Variants in MLLT10 observed in about 807,000 individuals in gnomAD.
MLLT10 encodes MLLT10 histone lysine methyltransferase DOT1L cofactor, also known as protein AF-10.
Under a neutral mutation model 129.1 loss-of-function variants are expected in MLLT10, and 30 were observed. The observed-to-expected ratio is 0.23, with a 90% CI of 0.17 to 0.32. The LOEUF (loss-of-function observed/expected upper bound fraction) is 0.32, where lower values mean the gene tolerates loss of function less well. Among genes scored for constraint, MLLT10 ranks in the 10% least tolerant of loss-of-function variants. MLLT10 has a pLI of 1.00. For missense variants in MLLT10, 1,119 were observed against 1,268.3 expected, an observed-to-expected ratio of 0.88 and a Z score of 1.79; for synonymous variants, 490 against 446.4, an observed-to-expected ratio of 1.10 and a Z score of -1.23.
intron 5 of MLLT10, among the ~76,000 whole-genome samples, chr10:21,606,611 T>C (rs2044096745): frequency 6.6e-6 from 1 of 152,030 alleles, no homozygotes; most frequent in Non-Finnish European, 1.5e-5. Context: ...TTGATGGAGG[T>C]TGCAGATGTG....
intron 13 of MLLT10, among the ~76,000 whole-genome samples, chr10:21,689,936 G>T (rs2053696864): frequency 6.6e-6 from 1 of 151,874 alleles, no homozygotes. Context: ...AAACTGATGA[G>T]ATGTGTATTA....
intron 6 of MLLT10, 134 bp from the exon 7 acceptor site, chr10:21,614,697 T>A (rs959595748): frequency 5.1e-5 from 33 of 652,208 alleles, no homozygotes; most frequent in African/African-American, 4.8e-4. Context: ...ATAAAGCTTT[T>A]TATTTTCTCA....
intron 21 of MLLT10, among the ~76,000 whole-genome samples, chr10:21,735,597 A>C (rs978308289): frequency 2.6e-5 from 4 of 152,210 alleles, no homozygotes; most frequent in Non-Finnish European, 4.4e-5. Context: ...GGAAGAGCAT[A>C]GGGAACCGAG....
At chr10:21,626,853 G>C (rs980405691) in intron 8 of MLLT10, among the ~76,000 whole-genome samples, 9 of 152,174 alleles carry the variant, frequency 5.9e-5, no homozygotes, top group African/African-American at 2.2e-4. Flanking sequence ...ATCTGTATAT[G>C]TGAAGAGTTA....
At chr10:21,629,838 G>A (rs2046837134) in intron 8 of MLLT10, among the ~76,000 whole-genome samples, 2 of 152,148 alleles carry the variant, frequency 1.3e-5, no homozygotes, top group African/African-American at 4.8e-5. Flanking sequence ...GGGCTTGCGT[G>A]TATAGTCCCA....
rs553747339 is a variant in MLLT10 at position 21,587,941 on chromosome 10, A to G, written c.295+1593A>G. ...TTTCTAGGTTTCTTTTGCATATTCA[A>G]ATGTGAATAAAGACTTATTTACTCC... On this transcript the variant is annotated intron_variant, in intron 4 of 22. Transcript: ENST00000307729. 3.9e-5 allele frequency among the ~76,000 whole-genome samples: 6 copies of G among 152,328 alleles called. 1 individual carries two copies. The highest frequency in any genetic ancestry group is 4.1e-4 in the South Asian group (2 of 4,824).
chr10:21,583,696 A>G (rs912997896), intron 3 of MLLT10, among the ~76,000 whole-genome samples: 1 of 152,130 alleles, frequency 6.6e-6, no homozygotes, highest in Non-Finnish European at 1.5e-5. Flanking sequence ...CAGATCTCAC[A>G]TGAGCTAACA....
chr10:21,654,386 A>G (rs1223599377), intron 9 of MLLT10, among the ~76,000 whole-genome samples: 3 of 152,258 alleles, frequency 2.0e-5, no homozygotes, highest in Non-Finnish European at 4.4e-5. Flanking sequence ...ATATTGCTAC[A>G]GTGATGTCCC....
chr10:21,627,004 G>A (rs1005345363), intron 8 of MLLT10, among the ~76,000 whole-genome samples: 13 of 152,052 alleles, frequency 8.5e-5, no homozygotes, highest in South Asian at 2.1e-4. Context: ...TTTAGACTTC[G>A]TCCTTGGGCA....
chr10:21,695,609 G>A lies in MLLT10; in HGVS notation c.1699+13352G>A, dbSNP rs531099481. ...ATATTTATTTGCCATTTCTATTTTC[G>A]AAGTGTCTTGGAGGGCAGTCTAAAT... On this transcript the variant is annotated intron_variant, in intron 13 of 22. Transcript: ENST00000307729. Among the ~76,000 whole-genome samples the A allele has an allele frequency of 3.2e-4, 49 of 151,664 alleles. No homozygotes were observed. In the East Asian group the frequency reaches 7.0e-3, roughly 22 times the overall value.
At chr10:21,558,108 TC>T (rs1364158682) in intron 3 of MLLT10, among the ~76,000 whole-genome samples, 1 of 151,566 alleles carries the variant, frequency 6.6e-6, no homozygotes, top group Non-Finnish European at 1.5e-5. Flanking sequence ...TGCCACCACG[TC>T]CAGCTAATTT....
intron 2 of MLLT10, among the ~76,000 whole-genome samples, chr10:21,538,014 T>C (rs2034371531): frequency 6.6e-6 from 1 of 152,078 alleles, no homozygotes; most frequent in African/African-American, 2.4e-5. Flanking sequence ...TACCTTTTTT[T>C]TTTTGAGATA....
At chr10:21,617,727 ATCTG>A (rs1389571322) in intron 8 of MLLT10, among the ~76,000 whole-genome samples, 3 of 152,136 alleles carry the variant, frequency 2.0e-5, no homozygotes, top group Non-Finnish European at 2.9e-5. Flanking sequence ...CTAAATACTA[ATCTG>A]TCTTTTTCTG....
chr10:21,586,180 C>A, intron 3 of MLLT10, 114 bp from the exon 4 acceptor site: 1 of 774,978 alleles, frequency 1.3e-6, no homozygotes, highest in Non-Finnish European at 2.2e-6. Context: ...TCTTGGGGGG[C>A]AACTAGGACA....
At chr10:21,714,667 G>C (rs1180007922) in intron 14 of MLLT10, among the ~76,000 whole-genome samples, 1 of 152,150 alleles carries the variant, frequency 6.6e-6, no homozygotes, top group Admixed American at 6.5e-5. Flanking sequence ...GACTAGCTGA[G>C]ATTACAGGCA....
chr10:21,733,007 C>T lies in MLLT10; in HGVS notation c.2327C>T (p.Ala776Val). The T allele has an allele frequency of 1.2e-6, 2 of 1,613,954 alleles. No individual in the cohort carries two copies. The highest frequency in any genetic ancestry group is 4.5e-5 in the East Asian group (2 of 44,838). The change falls in exon 18 of 23, where the codon GCA (alanine) becomes GTA (valine). Residue 776 changes from alanine to valine, a missense_variant. By Grantham distance (64) the Ala-to-Val change is moderately conservative (BLOSUM62 0). Transcript: ENST00000307729. Reference sequence around the variant, plus strand: ...AAGGAACGGCTTCAGTTATTGAATGCACAGCTTTCAGTGCCTTTTCCAACA... The same window carrying T: ...AAGGAACGGCTTCAGTTATTGAATGTACAGCTTTCAGTGCCTTTTCCAACA... Reference protein sequence around the residue: ...AKKERLQLLNAQLSVPFPTIT... With the variant: ...AKKERLQLLNVQLSVPFPTIT...
At chr10:21,561,384 C>G (rs2038780419) in intron 3 of MLLT10, among the ~76,000 whole-genome samples, 1 of 152,148 alleles carries the variant, frequency 6.6e-6, no homozygotes, top group South Asian at 2.1e-4. Flanking sequence ...CCTCACCCTT[C>G]CGAGTAGCTG....
rs182811937 is a variant in MLLT10, at chr10:21,585,823, G to A, written c.241-471G>A. Among the ~76,000 whole-genome samples the A allele has an allele frequency of 4.1e-3, 626 of 152,252 alleles. 4 individuals carry two copies. The highest frequency in any genetic ancestry group is 6.2e-3 in the Non-Finnish European group (421 of 68,008). ...GTTGCCCAGACTGGAGTGCAATGGC[G>A]CGATCTTGGCTCACCGCAACCTGTA... On this transcript the variant is annotated intron_variant, in intron 3 of 22. Coordinates refer to ENST00000307729, the MANE Select transcript of MLLT10 (RefSeq NM_001195626.3).
chr10:21,628,210 G>A (rs1342057596), intron 8 of MLLT10, among the ~76,000 whole-genome samples: 1 of 152,112 alleles, frequency 6.6e-6, no homozygotes, highest in Non-Finnish European at 1.5e-5. Flanking sequence ...CCGTCTCCTG[G>A]TAACAGATAA....
Sources: allele counts gnomAD v4.1 joint callset (sites outside exome capture counted in the v4.1 genomes callset), GRCh38; gene constraint gnomAD v4.1.1; transcripts MANE v1.5; gene names NCBI Gene and HGNC (gene_info 2026-07-23, HGNC 2026-07-21).